MGAT4C: variants seen among roughly 807,000 people sequenced by gnomAD.
MGAT4C encodes the protein MGAT4 family member C, also known as alpha-1,3-mannosyl-glycoprotein 4-beta-N-acetylglucosaminyltransferase C.
Under a neutral mutation model 40.1 loss-of-function variants are expected in MGAT4C, and 19 were observed. The observed-to-expected ratio is 0.47, with a 90% CI of 0.33 to 0.70. The LOEUF is 0.70. MGAT4C is among the 30% of genes least tolerant of loss of function. The probability of loss-of-function intolerance (pLI) is 0.02; values close to 1 mark genes in which losing one functional copy is unlikely to be tolerated. For synonymous variants in MGAT4C, 181 were observed against 187.1 expected (o/e 0.97, Z 0.27); for missense variants, 491 against 563.2 (o/e 0.87, Z 1.30).
At chr12:86,366,714 T>C (rs1406841201) in intron 3 of MGAT4C, among the ~76,000 whole-genome samples, 2 of 152,138 alleles carry the variant, frequency 1.3e-5, no homozygotes, top group African/African-American at 4.8e-5. Context: ...TAGCCTTTAA[T>C]GTATAATAAA....
intron 3 of MGAT4C, among the ~76,000 whole-genome samples, chr12:86,418,783 G>A (rs1956768213): frequency 6.6e-6 from 1 of 152,060 alleles, no homozygotes. Context: ...AAAGCATCAT[G>A]TGTGTAGAAG....
At chr12:86,700,154 C>CAGAT (rs1286201297) in intron 2 of MGAT4C, among the ~76,000 whole-genome samples, 76 of 31,912 alleles carry the variant, frequency 2.4e-3, no homozygotes, top group Admixed American at 7.5e-3. Context: ...GACAGACAGA[C>CAGAT]AGACAGACAG....
chr12:86,101,274 A>G (rs1043727337), intron 1 of MGAT4C, among the ~76,000 whole-genome samples: 6 of 151,944 alleles, frequency 3.9e-5, no homozygotes, highest in South Asian at 4.1e-4. Context: ...TGGAACATCA[A>G]TGAAAGAACT....
chr12:86,630,295 C>T (rs1045528756), intron 2 of MGAT4C, among the ~76,000 whole-genome samples: 8 of 152,024 alleles, frequency 5.3e-5, no homozygotes, highest in African/African-American at 9.7e-5. Flanking sequence ...CAGGACCAGA[C>T]AGATTCACAG....
chr12:86,045,046 G>T (rs1288138237), intron 2 of MGAT4C, among the ~76,000 whole-genome samples: 1 of 151,910 alleles, frequency 6.6e-6, no homozygotes, highest in East Asian at 2.0e-4. Flanking sequence ...CCCGTTCAGG[G>T]TTCCCAGCCT....
intron 1 of MGAT4C, among the ~76,000 whole-genome samples, chr12:86,211,818 G>C (rs1247199857): frequency 6.7e-6 from 1 of 149,520 alleles, no homozygotes; most frequent in Non-Finnish European, 1.5e-5. Context: ...ACATGACTTT[G>C]TTCTCTCTTT....
intron 2 of MGAT4C, among the ~76,000 whole-genome samples, chr12:86,607,838 T>C (rs1424737525): frequency 6.6e-6 from 1 of 152,072 alleles, no homozygotes; most frequent in Non-Finnish European, 1.5e-5. Context: ...TCATGGCACC[T>C]GGCGGGGTGC....
At chr12:86,336,071 C>T (rs888286558) in intron 3 of MGAT4C, among the ~76,000 whole-genome samples, 1 of 152,102 alleles carries the variant, frequency 6.6e-6, no homozygotes, top group Admixed American at 6.6e-5. Context: ...TGTACTTTGC[C>T]ACCTCCCTGG....
Position 86,186,550 on chromosome 12 carries a change from AACAG to A in MGAT4C, c.-57+69685_-57+69688del, listed in dbSNP as rs1410963262. Among the ~76,000 whole-genome samples the A allele has an allele frequency of 3.3e-5, 5 of 152,110 alleles. No homozygotes were observed. The East Asian group carries it at 9.6e-4, about 29-fold the overall frequency. On this transcript the variant is annotated intron_variant, in intron 1 of 4. Coordinates refer to ENST00000611864, the MANE Select transcript of MGAT4C (RefSeq NM_001351288.2). The stretch of plus-strand genomic sequence containing the variant: ...GCAAAACAAATTGCTCATTACCCCT[AACAG>A]ACAAATTATTCCCCTTGAGCTCTAA...
At chr12:86,360,166 C>G (rs900673336) in intron 3 of MGAT4C, among the ~76,000 whole-genome samples, 1 of 152,162 alleles carries the variant, frequency 6.6e-6, no homozygotes, top group African/African-American at 2.4e-5. Context: ...CCCTGGGATG[C>G]AAGGCTGGTT....
At chr12:86,699,979 G>T (rs989354734) in intron 2 of MGAT4C, among the ~76,000 whole-genome samples, 2 of 151,406 alleles carry the variant, frequency 1.3e-5, no homozygotes, top group African/African-American at 4.9e-5. Flanking sequence ...AAAAGGATGT[G>T]TATAATTGGG....
chr12:86,335,711 T>C (rs1437361592), intron 3 of MGAT4C, among the ~76,000 whole-genome samples: 5 of 152,044 alleles, frequency 3.3e-5, no homozygotes, highest in African/African-American at 1.2e-4. Flanking sequence ...CCAGGTTTCT[T>C]TGCAAAAAAC....
chr12:86,210,000 A>C (rs935760653), intron 1 of MGAT4C, among the ~76,000 whole-genome samples: 1 of 152,076 alleles, frequency 6.6e-6, no homozygotes, highest in Non-Finnish European at 1.5e-5. Flanking sequence ...TTATGTTTCC[A>C]TTATTCTCTC....
At chr12:86,659,025 TAGC>T (rs1963917488) in intron 2 of MGAT4C, among the ~76,000 whole-genome samples, 1 of 152,112 alleles carries the variant, frequency 6.6e-6, no homozygotes, top group Non-Finnish European at 1.5e-5. Flanking sequence ...TGTGTAATAT[TAGC>T]AATAATTAAA....
At chr12:86,625,992 A>G (rs1333995398) in intron 2 of MGAT4C, among the ~76,000 whole-genome samples, 2 of 152,184 alleles carry the variant, frequency 1.3e-5, no homozygotes, top group East Asian at 3.8e-4. Flanking sequence ...TGCCTTCAAG[A>G]AACATACTTT....
At chr12:86,518,360 C>T (rs1010359097) in intron 2 of MGAT4C, among the ~76,000 whole-genome samples, 2 of 152,008 alleles carry the variant, frequency 1.3e-5, no homozygotes, top group Admixed American at 1.3e-4. Context: ...AATAATAAGA[C>T]AAAGTAAAGA....
At chr12:86,257,223 T>G (rs567402889), upstream of MGAT4C, among the ~76,000 whole-genome samples, 1 of 152,284 alleles carries the variant, frequency 6.6e-6, no homozygotes, top group South Asian at 2.1e-4. Context: ...AGCCCCAGAT[T>G]TCTCCCCAGG....
chr12:86,603,335 T>G (rs1267280909), intron 2 of MGAT4C, among the ~76,000 whole-genome samples: 1 of 135,922 alleles, frequency 7.4e-6, no homozygotes, highest in Non-Finnish European at 1.5e-5. Flanking sequence ...AATTATATAG[T>G]ATAGTATATA....
At chr12:86,299,023 G>A (rs1953747764) in intron 4 of MGAT4C, among the ~76,000 whole-genome samples, 1 of 152,078 alleles carries the variant, frequency 6.6e-6, no homozygotes, top group African/African-American at 2.4e-5. Flanking sequence ...TGTAAGGGTT[G>A]GGAATAAATA....
Sources: allele counts gnomAD v4.1 joint callset (sites outside exome capture counted in the v4.1 genomes callset), GRCh38; gene constraint gnomAD v4.1.1; transcripts MANE v1.5; gene names NCBI Gene and HGNC (gene_info 2026-07-23, HGNC 2026-07-21).